TRPM3: variants seen among roughly 807,000 people sequenced by gnomAD.
TRPM3 encodes the protein long transient receptor potential channel 3.
Under a neutral mutation model 181.2 loss-of-function variants are expected in TRPM3, and 77 were observed. That is an observed-to-expected ratio of 0.42 (90% CI 0.35 to 0.51). The LOEUF (loss-of-function observed/expected upper bound fraction) is 0.51. TRPM3 is among the 20% of genes least tolerant of loss of function. The pLI, the probability that TRPM3 is intolerant of heterozygous loss-of-function variation, is 0.01. For synonymous variants in TRPM3, 745 were observed against 796.4 expected (o/e 0.94, Z 1.09); for missense variants, 1,759 against 2,196.7 (o/e 0.80, Z 3.98).
intron 1 of TRPM3, among the ~76,000 whole-genome samples, chr9:71,228,533 T>C (rs2080842218): frequency 6.6e-6 from 1 of 152,182 alleles, no homozygotes; most frequent in African/African-American, 2.4e-5. Flanking sequence ...AGAAATCAAA[T>C]TATCCTTGTT....
intron 1 of TRPM3, among the ~76,000 whole-genome samples, chr9:71,206,264 C>T (rs2079112888): frequency 6.6e-6 from 1 of 152,116 alleles, no homozygotes; most frequent in African/African-American, 2.4e-5. Flanking sequence ...TCTGTTGTTT[C>T]CTGACATTTT....
chr9:71,253,261 C>G (rs1464051867), intron 1 of TRPM3, among the ~76,000 whole-genome samples: 1 of 152,164 alleles, frequency 6.6e-6, no homozygotes, highest in Non-Finnish European at 1.5e-5. Flanking sequence ...TTGAAAAGTT[C>G]TACTGACTCA....
intron 24 of TRPM3, 64 bp downstream of exon 24, chr9:70,552,780 A>C (rs1280785260): frequency 3.2e-6 from 5 of 1,563,458 alleles, no homozygotes; most frequent in African/African-American, 1.4e-5. Context: ...ATTCTGCGTG[A>C]TTGCCTATAG....
chr9:70,849,009 C>G (rs955201799), intron 3 of TRPM3, among the ~76,000 whole-genome samples: 1 of 149,222 alleles, frequency 6.7e-6, no homozygotes, highest in African/African-American at 2.5e-5. Flanking sequence ...AAAGAAATTA[C>G]CTGTCAGTCT....
chr9:70,649,775 A>G, intron 9 of TRPM3, among the ~76,000 whole-genome samples: 1 of 152,200 alleles, frequency 6.6e-6, no homozygotes, highest in East Asian at 1.9e-4. Context: ...CAAAGAACTT[A>G]GAACTACCAT....
rs563097500 is a variant in TRPM3 at position 71,320,057 on chromosome 9, G to GGTTGGGGTAGGGAGTT, written c.183+126580_183+126595dup. ...GGAAGAAGATGGGAATATGAGTAAG[G>GGTTGGGGTAGGGAGTT]GTTGGGGTAGGGAGTTGTTGGGGTA... is the stretch of plus-strand genomic sequence containing the variant. On this transcript the variant is annotated intron_variant, in intron 1 of 24. Coordinates refer to the TRPM3 transcript ENST00000357533. Among the ~76,000 whole-genome samples the GGTTGGGGTAGGGAGTT allele has an allele frequency of 1.9e-3, 289 of 152,166 alleles. 4 individuals are homozygous for GGTTGGGGTAGGGAGTT. Among genetic ancestry groups the GGTTGGGGTAGGGAGTT allele is most frequent in the African/African-American group, 6.8e-3 (281 of 41,522 alleles).
intron 1 of TRPM3, among the ~76,000 whole-genome samples, chr9:71,105,361 G>A (rs1591449861): frequency 6.6e-6 from 1 of 152,204 alleles, no homozygotes; most frequent in Non-Finnish European, 1.5e-5. Context: ...CCAAGTCCTA[G>A]AGACAGGAGG....
rs191860116 is a variant in TRPM3, at chr9:71,185,125, A to C, written c.183+261528T>G. Among the ~76,000 whole-genome samples, 654 of 152,222 alleles carry C rather than the reference A, an allele frequency of 4.3e-3. 2 individuals carry two copies. The highest frequency in any genetic ancestry group is 8.0e-3 in the Non-Finnish European group (544 of 67,976). On this transcript the variant is annotated intron_variant, in intron 1 of 24. Transcript: ENST00000357533. ...AAGATGGCTCTTCAGTGAACTGGAG[A>C]GAACTCTTTAGGGTAAAAAAAGTGC...
At chr9:71,429,885 C>T (rs1224422298) in intron 1 of TRPM3, among the ~76,000 whole-genome samples, 3 of 152,116 alleles carry the variant, frequency 2.0e-5, no homozygotes, top group African/African-American at 7.2e-5. Flanking sequence ...GCCCCTGCCT[C>T]GGGACACTTG....
chr9:71,306,567 T>C (rs1402562153), intron 1 of TRPM3, among the ~76,000 whole-genome samples: 1 of 152,194 alleles, frequency 6.6e-6, no homozygotes, highest in Non-Finnish European at 1.5e-5. Context: ...GCCTTCTATG[T>C]ATTTATTTTC....
At chr9:70,903,229 T>C (rs145756637) in intron 1 of TRPM3, among the ~76,000 whole-genome samples, 107 of 152,354 alleles carry the variant, frequency 7.0e-4, no homozygotes, top group Admixed American at 2.4e-3. Flanking sequence ...ACAGACAATG[T>C]GCTAGAAGCC....
At position 71,038,712 on chromosome 9, in the gene TRPM3, A is replaced by G. The variant is rs376871811; in HGVS notation, c.177+82466T>C. ...TACAGATGGAACCTGGCCTTATGGA[A>G]CTTACAGTCCAATAGGGCACATGGA... On this transcript the variant is annotated intron_variant, in intron 1 of 25. Coordinates refer to ENST00000677713, the MANE Select transcript of TRPM3 (RefSeq NM_001366145.2). Among the ~76,000 whole-genome samples, 22 of 152,284 alleles carry G rather than the reference A, an allele frequency of 1.4e-4. No homozygotes were observed. In the South Asian group the frequency reaches 4.6e-3, roughly 32 times the overall value.
chr9:71,438,534 G>A (rs1220523849), intron 1 of TRPM3, among the ~76,000 whole-genome samples: 1 of 152,048 alleles, frequency 6.6e-6, no homozygotes, highest in Non-Finnish European at 1.5e-5. Context: ...TTAGCAGGGT[G>A]TGGTGGCGCA....
At chr9:71,370,907 C>T (rs1193030370) in intron 1 of TRPM3, among the ~76,000 whole-genome samples, 2 of 152,114 alleles carry the variant, frequency 1.3e-5, no homozygotes, top group East Asian at 1.9e-4. Context: ...GAAGCCAGTG[C>T]TTATTTGCCA....
intron 1 of TRPM3, among the ~76,000 whole-genome samples, chr9:71,027,934 A>G (rs1003699167): frequency 2.0e-5 from 3 of 152,202 alleles, no homozygotes; most frequent in African/African-American, 7.2e-5. Context: ...CTAGCTAGAG[A>G]GGCCAACATT....
intron 1 of TRPM3, among the ~76,000 whole-genome samples, chr9:71,283,936 G>A (rs532906041): frequency 6.6e-6 from 1 of 152,268 alleles, no homozygotes; most frequent in African/African-American, 2.4e-5. Context: ...GCATTAATCT[G>A]TCCCACTTCC....
chr9:70,608,886 A>AAGAGT (rs1238408403), intron 19 of TRPM3, among the ~76,000 whole-genome samples: 3 of 152,214 alleles, frequency 2.0e-5, no homozygotes, highest in African/African-American at 7.2e-5. Context: ...TAGGATTACA[A>AAGAGT]AGAGTACTTA....
intron 1 of TRPM3, among the ~76,000 whole-genome samples, chr9:71,183,481 G>C (rs962036176): frequency 6.6e-6 from 1 of 151,902 alleles, no homozygotes; most frequent in Non-Finnish European, 1.5e-5. Flanking sequence ...ACAATTATTG[G>C]CTGCTTCTCC....
At chr9:70,861,628 TC>T (rs1181001726) in intron 3 of TRPM3, among the ~76,000 whole-genome samples, 4 of 152,140 alleles carry the variant, frequency 2.6e-5, no homozygotes, top group African/African-American at 7.2e-5. Context: ...TGTGGGTCAA[TC>T]CCATACTGTG....
Sources: allele counts gnomAD v4.1 joint callset (sites outside exome capture counted in the v4.1 genomes callset), GRCh38; gene constraint gnomAD v4.1.1; transcripts MANE v1.5; gene names NCBI Gene and HGNC (gene_info 2026-07-23, HGNC 2026-07-21).